Variants in FGFR2 observed in about 807,000 individuals in gnomAD.
The protein encoded by FGFR2 is BEK fibroblast growth factor receptor.
A neutral mutation model predicts 95.9 loss-of-function variants in FGFR2; 19 were observed. The observed-to-expected ratio is 0.20, with a 90% CI of 0.14 to 0.29. The LOEUF (loss-of-function observed/expected upper bound fraction) is 0.29. Ranked by LOEUF, FGFR2 falls within the 10% of genes least tolerant of loss-of-function variation. The probability of loss-of-function intolerance (pLI) is 1.00; values close to 1 mark genes in which losing one functional copy is unlikely to be tolerated. For missense variants in FGFR2, 707 were observed against 1,056.9 expected, an observed-to-expected ratio of 0.67 and a Z score of 4.59; for synonymous variants, 392 against 393.3, an observed-to-expected ratio of 1.00 and a Z score of 0.04.
chr10:121,509,259 G>A (rs1489851411), intron 9 of FGFR2, among the ~76,000 whole-genome samples: 1 of 151,708 alleles, frequency 6.6e-6, no homozygotes, highest in Non-Finnish European at 1.5e-5. Flanking sequence ...TCCCACTCCC[G>A]AATCTTGGCA....
intron 8 of FGFR2, among the ~76,000 whole-genome samples, chr10:121,515,843 G>A (rs1485151082): frequency 6.8e-6 from 1 of 147,588 alleles, no homozygotes; most frequent in Non-Finnish European, 1.5e-5. Flanking sequence ...CTAGTAGGCT[G>A]GTCTGAAAAA....
chr10:121,483,173 A>G (rs2133756323), intron 17 of FGFR2, among the ~76,000 whole-genome samples: 1 of 152,350 alleles, frequency 6.6e-6, no homozygotes, highest in East Asian at 1.9e-4. Flanking sequence ...AAAACAGTGT[A>G]TGTTTATATA....
At chr10:121,532,713 T>C (rs985522039) in intron 6 of FGFR2, among the ~76,000 whole-genome samples, 1 of 152,170 alleles carries the variant, frequency 6.6e-6, no homozygotes. Context: ...CTTCTTCCAC[T>C]GGGGATGGGC....
At chr10:121,544,430 T>A in intron 5 of FGFR2, among the ~76,000 whole-genome samples, 2 of 127,116 alleles carry the variant, frequency 1.6e-5, no homozygotes. Context: ...GGCAACAGAG[T>A]GAAACTCCGT....
chr10:121,560,942 C>T (rs1344756595), intron 4 of FGFR2, among the ~76,000 whole-genome samples: 1 of 152,120 alleles, frequency 6.6e-6, no homozygotes, highest in Admixed American at 6.5e-5. Flanking sequence ...GATGCTGATG[C>T]TGCTGGTCCA....
At chr10:121,538,071 C>T (rs1801043) in intron 6 of FGFR2, 35,943 of 483,658 alleles carry the variant, frequency 0.074, 1,733 homozygotes, top group Admixed American at 0.095. Context: ...AAATAGATGC[C>T]AGGAACAGAC....
chr10:121,532,210 C>A (rs887608475), intron 6 of FGFR2, among the ~76,000 whole-genome samples: 1 of 152,222 alleles, frequency 6.6e-6, no homozygotes, highest in Non-Finnish European at 1.5e-5. Flanking sequence ...AAGTTCAGAA[C>A]CCCACAGGGC....
chr10:121,507,598 AGAG>A (rs1848498862), intron 9 of FGFR2, among the ~76,000 whole-genome samples: 1 of 152,148 alleles, frequency 6.6e-6, no homozygotes, highest in South Asian at 2.1e-4. Flanking sequence ...AAAAAAGAAA[AGAG>A]GAGACAGGAA....
intron 6 of FGFR2, chr10:121,538,276 C>CT: frequency 1.3e-6 from 1 of 749,604 alleles, no homozygotes; most frequent in East Asian, 2.5e-5. Context: ...CATCTGTACC[C>CT]TTTTCACCTG....
chr10:121,593,591 T>C, intron 2 of FGFR2, 118 bp downstream of exon 2: 1 of 890,280 alleles, frequency 1.1e-6, no homozygotes, highest in South Asian at 1.4e-5. Context: ...GACCACGATC[T>C]GGTGCTCTTA....
intron 9 of FGFR2, among the ~76,000 whole-genome samples, chr10:121,505,638 T>A (rs1448953526): frequency 6.6e-6 from 1 of 152,108 alleles, no homozygotes; most frequent in African/African-American, 2.4e-5. Context: ...CCCACTGAGG[T>A]CACAGACTAG....
chr10:121,572,453 C>G (rs916380511), intron 2 of FGFR2, among the ~76,000 whole-genome samples: 1 of 152,090 alleles, frequency 6.6e-6, no homozygotes, highest in African/African-American at 2.4e-5. Context: ...AAACCCATCT[C>G]TATTAAATAT....
intron 6 of FGFR2, among the ~76,000 whole-genome samples, chr10:121,522,206 C>G (rs1850658972): frequency 6.6e-6 from 1 of 152,212 alleles, no homozygotes; most frequent in South Asian, 2.1e-4. Context: ...ACTCTAGAGA[C>G]CTGCTGCACA....
intron 17 of FGFR2, among the ~76,000 whole-genome samples, chr10:121,481,389 G>GACACACACACACACAC (rs71868012): frequency 1.3e-5 from 2 of 149,900 alleles, no homozygotes; most frequent in African/African-American, 4.9e-5. Flanking sequence ...CATTTTTAAA[G>GACACACACACACACAC]ACACACACAC....
intron 9 of FGFR2, among the ~76,000 whole-genome samples, chr10:121,507,099 G>A (rs926828736): frequency 3.3e-5 from 5 of 152,140 alleles, no homozygotes; most frequent in Admixed American, 1.3e-4. Context: ...AGCCAATCCC[G>A]TTGCTGCCCT....
chr10:121,503,955 G>A lies in FGFR2; in HGVS notation c.1288-14C>T, dbSNP rs772431089. On this transcript the variant is annotated splice_polypyrimidine_tract_variant and intron_variant, in intron 9 of 17. Coordinates refer to ENST00000358487, the MANE Select transcript of FGFR2 (RefSeq NM_000141.5). ...CTCAGCCGAAACCTGGATACAAAAT[G>A]CAAAGACACAGATGTAATCCTGGCT... 1 of 1,613,874 alleles carries A rather than the reference G, an allele frequency of 6.2e-7. No homozygotes were observed. The highest frequency in any genetic ancestry group is 2.2e-5 in the East Asian group (1 of 44,860).
At chr10:121,499,096 G>C (rs1469068176) in intron 11 of FGFR2, among the ~76,000 whole-genome samples, 5 of 152,158 alleles carry the variant, frequency 3.3e-5, no homozygotes, top group African/African-American at 1.2e-4. Flanking sequence ...GGCCATAAAC[G>C]TGTGTGCATG....
At chr10:121,483,603 C>A in intron 17 of FGFR2, 95 bp downstream of exon 17, 1 of 882,236 alleles carries the variant, frequency 1.1e-6, no homozygotes, top group Non-Finnish European at 1.9e-6. Context: ...ACCACAGACT[C>A]CAACCAACAG....
chr10:121,494,754 A>G (rs996609631), intron 13 of FGFR2, among the ~76,000 whole-genome samples: 1 of 152,190 alleles, frequency 6.6e-6, no homozygotes, highest in African/African-American at 2.4e-5. Context: ...TTATGGCTGG[A>G]CCACTTAAAA....
Sources: allele counts gnomAD v4.1 joint callset (sites outside exome capture counted in the v4.1 genomes callset), GRCh38; gene constraint gnomAD v4.1.1; transcripts MANE v1.5; gene names NCBI Gene and HGNC (gene_info 2026-07-23, HGNC 2026-07-21).